Variants in ABCA13 observed in about 807,000 individuals in gnomAD.
ABCA13 encodes ATP-binding cassette sub-family A member 13.
ABCA13 carries 476 observed loss-of-function variants against 478.7 expected under a neutral mutation model. That is an observed-to-expected ratio of 0.99 (90% CI 0.92 to 1.07). The LOEUF is 1.07. Ranked by LOEUF, ABCA13 falls within the 50% of genes least tolerant of loss-of-function variation. The pLI is 0.00. For missense variants in ABCA13, 6,060 were observed against 5,910.6 expected, an observed-to-expected ratio of 1.03 and a Z score of -0.83; for synonymous variants, 2,252 against 2,158.9, an observed-to-expected ratio of 1.04 and a Z score of -1.20.
chr7:48,632,323 T>C (rs1168928224), intron 59 of ABCA13, among the ~76,000 whole-genome samples: 1 of 152,228 alleles, frequency 6.6e-6, no homozygotes, highest in Non-Finnish European at 1.5e-5. Flanking sequence ...ATCTTCTGGA[T>C]GCCAATTTCT....
chr7:48,438,899 T>TTTTTTA (rs1554513958), intron 42 of ABCA13, among the ~76,000 whole-genome samples: 3 of 150,560 alleles, frequency 2.0e-5, no homozygotes, highest in African/African-American at 7.3e-5. Context: ...TTTTTTTTTT[T>TTTTTTA]AAAAAACTAA....
chr7:48,187,898 T>C (rs1399455905), intron 1 of ABCA13, among the ~76,000 whole-genome samples: 1 of 152,226 alleles, frequency 6.6e-6, no homozygotes, highest in African/African-American at 2.4e-5. Flanking sequence ...CCTTTTGTTT[T>C]CTTTTTCTTT....
chr7:48,426,010 G>A (rs11185605), intron 41 of ABCA13, among the ~76,000 whole-genome samples: 15,764 of 152,140 alleles, frequency 0.1, 892 homozygotes, highest in East Asian at 0.15. Context: ...CAAAGTGCTG[G>A]GATTACAGGC....
At chr7:48,229,406 C>T (rs1788720411) in intron 6 of ABCA13, among the ~76,000 whole-genome samples, 1 of 152,188 alleles carries the variant, frequency 6.6e-6, no homozygotes, top group Non-Finnish European at 1.5e-5. Context: ...AAATATTAGA[C>T]TGATTATCTG....
At chr7:48,478,030 G>T (rs996357975) in intron 45 of ABCA13, among the ~76,000 whole-genome samples, 1 of 151,692 alleles carries the variant, frequency 6.6e-6, no homozygotes, top group Non-Finnish European at 1.5e-5. Flanking sequence ...AGTATGGGGG[G>T]TGGTGAAGTG....
At chr7:48,252,739 A>G (rs1389329387) in intron 15 of ABCA13, among the ~76,000 whole-genome samples, 1 of 152,060 alleles carries the variant, frequency 6.6e-6, no homozygotes, top group Non-Finnish European at 1.5e-5. Flanking sequence ...CTTTGAGTTC[A>G]TTGGCCATAT....
At chr7:48,226,642 C>A (rs1316629920) in intron 5 of ABCA13, among the ~76,000 whole-genome samples, 1 of 152,124 alleles carries the variant, frequency 6.6e-6, no homozygotes, top group Non-Finnish European at 1.5e-5. Flanking sequence ...ACTGGGATGT[C>A]ATGGAGCATT....
chr7:48,441,091 A>T (rs1823526265), intron 42 of ABCA13, among the ~76,000 whole-genome samples: 2 of 152,188 alleles, frequency 1.3e-5, no homozygotes, highest in South Asian at 2.1e-4. Context: ...GATTGCCTAC[A>T]TTTGCCAATT....
intron 19 of ABCA13, among the ~76,000 whole-genome samples, chr7:48,284,265 G>A (rs1277306897): frequency 1.3e-5 from 2 of 152,210 alleles, no homozygotes; most frequent in Non-Finnish European, 2.9e-5. Flanking sequence ...AACAGAGGGA[G>A]AAGTGGGACA....
chr7:48,421,202 T>C (rs1585248713), intron 41 of ABCA13, among the ~76,000 whole-genome samples: 1 of 74,846 alleles, frequency 1.3e-5, no homozygotes, highest in African/African-American at 7.5e-5. Flanking sequence ...TTTCTCTCTC[T>C]TTTTTTTTTT....
intron 56 of ABCA13, 89 bp from the exon 57 acceptor site, chr7:48,587,065 A>C: frequency 6.5e-7 from 1 of 1,550,306 alleles, no homozygotes; most frequent in Non-Finnish European, 8.8e-7. Context: ...GGTTAGTGGG[A>C]GGTAGAAGCA....
Position 48,273,606 on chromosome 7 carries a change from A to G in ABCA13, c.3940A>G (p.Thr1314Ala), listed in dbSNP as rs1439870372. 1 of 1,595,486 alleles carries G rather than the reference A, an allele frequency of 6.3e-7. No homozygotes were observed. The highest frequency in any genetic ancestry group is 2.2e-5 in the East Asian group (1 of 44,514). The change falls in exon 17 of 62, where the codon ACA becomes GCA. Residue 1314 changes from threonine to alanine, a missense_variant. Thr to Ala is a moderately conservative substitution (Grantham distance 58). Coordinates refer to ENST00000435803, the MANE Select transcript of ABCA13 (RefSeq NM_152701.5). Reference protein sequence around the residue: ...SINDFLSNNLTNYGEKFENII... With the variant: ...SINDFLSNNLANYGEKFENII... ...AAATGACTTTCTTTCAAATAATCTC[A>G]CAAATTATGGAGAAAAATTTGAAAA... is the stretch of plus-strand genomic sequence containing the variant.
At chr7:48,610,201 C>A (rs1444665895) in intron 58 of ABCA13, among the ~76,000 whole-genome samples, 1 of 152,174 alleles carries the variant, frequency 6.6e-6, no homozygotes, top group Non-Finnish European at 1.5e-5. Context: ...GCAAATACAC[C>A]TGAACAAAAA....
At chr7:48,451,463 G>A (rs76362984) in intron 42 of ABCA13, among the ~76,000 whole-genome samples, 7,662 of 152,130 alleles carry the variant, frequency 0.05, 277 homozygotes, top group Middle Eastern at 0.085. Flanking sequence ...AAGAAGATCC[G>A]TTTCCTTAAC....
At position 48,259,529 on chromosome 7, in the gene ABCA13, T is replaced by C. The variant is rs538992207; in HGVS notation, c.2006-9451T>C. ...GAGATGGGTCTCTTGAAGACACATA[T>C]GGCGTCTTACTTCTTTATCCAACTT... is the stretch of plus-strand genomic sequence containing the variant. On this transcript the variant is annotated intron_variant, in intron 15 of 61. Transcript: ENST00000435803. Among the ~76,000 whole-genome samples the C allele has an allele frequency of 7.4e-4, 112 of 152,164 alleles. 1 individual carries two copies. The highest frequency in any genetic ancestry group is 2.7e-3 in the African/African-American group (111 of 41,562).
At chr7:48,541,853 G>A (rs67398358) in intron 55 of ABCA13, among the ~76,000 whole-genome samples, 18,228 of 149,730 alleles carry the variant, frequency 0.12, 1,516 homozygotes, top group East Asian at 0.17. Context: ...AATATTATTG[G>A]GAGTATCTTT....
In ABCA13 at chr7:48,645,544, C is replaced by T. The variant is rs370857811; in HGVS notation, c.*32C>T. 6 of 1,512,968 alleles carry T rather than the reference C, an allele frequency of 4.0e-6. No homozygotes were observed. The African/African-American group carries it at 5.5e-5, about 14-fold the overall frequency. The allele number at this position is 1,512,968 out of a possible 1,614,324, so 93.7% of individuals were successfully genotyped here. A position where few individuals can be genotyped will look rare whatever the true frequency, so the allele number is the denominator to read the frequency against. ...AAGAAGTTTCCATAAGGAATAAAAC[C>T]TTGTCTTCCATTACAATTAACAGTC... On this transcript the variant is annotated 3_prime_UTR_variant, in exon 62 of 62. Coordinates refer to ENST00000435803, the MANE Select transcript of ABCA13 (RefSeq NM_152701.5).
intron 29 of ABCA13, 25 bp downstream of exon 29, chr7:48,338,480 G>T: frequency 6.4e-7 from 1 of 1,550,806 alleles, no homozygotes; most frequent in East Asian, 2.4e-5. Context: ...GGGCATGGTA[G>T]TGTTCTTCTG....
At chr7:48,176,670 A>G (rs1794922994) in intron 1 of ABCA13, among the ~76,000 whole-genome samples, 1 of 152,132 alleles carries the variant, frequency 6.6e-6, no homozygotes, top group Admixed American at 6.5e-5. Flanking sequence ...CCAGCATTAG[A>G]AAGACCTGAG....
Sources: allele counts gnomAD v4.1 joint callset (sites outside exome capture counted in the v4.1 genomes callset), GRCh38; gene constraint gnomAD v4.1.1; transcripts MANE v1.5; gene names NCBI Gene and HGNC (gene_info 2026-07-23, HGNC 2026-07-21).